Variants in HSD17B11 observed in about 807,000 individuals in gnomAD.
The protein encoded by HSD17B11 is estradiol 17-beta-dehydrogenase 11.
Under a neutral mutation model 27.8 loss-of-function variants are expected in HSD17B11, and 22 were observed. The ratio of observed to expected loss-of-function variants is 0.79; its 90% CI spans 0.56 to 1.13. The LOEUF (loss-of-function observed/expected upper bound fraction) is 1.13, where lower values mean the gene tolerates loss of function less well. Ranked by LOEUF, HSD17B11 falls within the 50% of genes most tolerant of loss-of-function variation. The pLI, the probability that HSD17B11 is intolerant of heterozygous loss-of-function variation, is 0.00. For synonymous variants in HSD17B11, 117 were observed against 132.8 expected, an observed-to-expected ratio of 0.88 and a Z score of 0.82; for missense variants, 314 against 351.1, an observed-to-expected ratio of 0.89 and a Z score of 0.84.
chr4:87,359,573 A>T (rs77965489), intron 4 of HSD17B11, among the ~76,000 whole-genome samples: 3,498 of 152,306 alleles, frequency 0.023, 151 homozygotes, highest in African/African-American at 0.08. Context: ...TACGTTGCAT[A>T]GGCTGGTTTC....
At chr4:87,361,577 C>T (rs1735516608) in intron 4 of HSD17B11, among the ~76,000 whole-genome samples, 1 of 152,038 alleles carries the variant, frequency 6.6e-6, no homozygotes, top group African/African-American at 2.4e-5. Flanking sequence ...ACCATCCTGG[C>T]TAACACAGTG....
chr4:87,360,325 G>A (rs758311152), intron 4 of HSD17B11, among the ~76,000 whole-genome samples: 1 of 152,176 alleles, frequency 6.6e-6, no homozygotes, highest in East Asian at 1.9e-4. Flanking sequence ...TTGGCAAAAG[G>A]TATCAAATTC....
At chr4:87,360,068 T>C (rs1222483226) in intron 4 of HSD17B11, among the ~76,000 whole-genome samples, 1 of 152,206 alleles carries the variant, frequency 6.6e-6, no homozygotes, top group Non-Finnish European at 1.5e-5. Context: ...GAATAATTCA[T>C]ATAAAAGCAA....
chr4:87,336,980 C>T lies in HSD17B11; in HGVS notation c.*296G>A, dbSNP rs755064968. 59 of 258,886 alleles carry T rather than the reference C, an allele frequency of 2.3e-4. No individual in the cohort carries two copies. The highest frequency in any genetic ancestry group is 2.8e-4 in the Non-Finnish European group (39 of 139,080). The allele number at this position is 258,886 out of a possible 1,614,324, so 16.0% of individuals were successfully genotyped here. A position where few individuals can be genotyped will look rare whatever the true frequency, so the allele number is the denominator to read the frequency against. ...ATAAACGGTTATGGTACAAATTTTG[C>T]AAAGCCTTCAGGTGAGCCACAAATA... On this transcript the variant is annotated 3_prime_UTR_variant, in exon 7 of 7. Transcript: ENST00000358290.
chr4:87,343,262 A>G (rs998157529), intron 5 of HSD17B11, among the ~76,000 whole-genome samples: 5 of 152,238 alleles, frequency 3.3e-5, no homozygotes, highest in Non-Finnish European at 7.3e-5. Flanking sequence ...ATTTCTTAGC[A>G]AAATAGTATC....
intron 2 of HSD17B11, among the ~76,000 whole-genome samples, chr4:87,380,396 C>T (rs139778185): frequency 0.039 from 5,696 of 145,880 alleles, 404 homozygotes; most frequent in African/African-American, 0.14. Flanking sequence ...CTGCTTGAAC[C>T]CAGGAGGCGG....
Position 87,390,846 on chromosome 4 carries a change from AG to A in HSD17B11, c.210+14del. On this transcript the variant is annotated intron_variant, in intron 1 of 6. Coordinates refer to ENST00000358290, the MANE Select transcript of HSD17B11 (RefSeq NM_016245.5). Reference sequence around the variant, plus strand: ...TTAAAGGTACCAGAAAGTAAAACATAGTAAACACTGTTACCTTATTTATATC... The same window carrying A: ...TTAAAGGTACCAGAAAGTAAAACATATAAACACTGTTACCTTATTTATATC... 1.9e-6 allele frequency: 3 copies of A among 1,606,580 alleles called. No individual in the cohort carries two copies. The South Asian group carries it at 3.3e-5, about 18-fold the overall frequency.
intron 4 of HSD17B11, among the ~76,000 whole-genome samples, chr4:87,369,432 C>CTT (rs764707419): frequency 9.2e-5 from 13 of 141,166 alleles, no homozygotes; most frequent in East Asian, 2.0e-4. Flanking sequence ...ATTCCAAATT[C>CTT]TTTTTTTTTT....
intron 1 of HSD17B11, 81 bp downstream of exon 1, chr4:87,390,780 G>A: frequency 1.6e-6 from 2 of 1,244,500 alleles, no homozygotes; most frequent in South Asian, 1.2e-5. Context: ...CAGAGATGAG[G>A]TAAAGGGTGG....
intron 1 of HSD17B11, among the ~76,000 whole-genome samples, chr4:87,389,242 GAC>G (rs1305069434): frequency 1.3e-5 from 2 of 151,938 alleles, no homozygotes; most frequent in African/African-American, 4.8e-5. Context: ...TTATTTTTAA[GAC>G]AGAGTTTTGC....
chr4:87,355,715 C>T (rs919273573), intron 5 of HSD17B11, among the ~76,000 whole-genome samples: 4 of 152,072 alleles, frequency 2.6e-5, no homozygotes, highest in African/African-American at 4.8e-5. Context: ...AACAGCCTGG[C>T]CAACGTGGCG....
At chr4:87,337,620 G>A (rs115994922) in intron 6 of HSD17B11, among the ~76,000 whole-genome samples, 61 of 152,226 alleles carry the variant, frequency 4.0e-4, no homozygotes, top group African/African-American at 1.4e-3. Context: ...AAAGATCTGA[G>A]GGAGGAGGTG....
At chr4:87,385,286 G>A (rs116316911) in intron 1 of HSD17B11, among the ~76,000 whole-genome samples, 10 of 152,160 alleles carry the variant, frequency 6.6e-5, no homozygotes, top group African/African-American at 2.2e-4. Context: ...CATGCTACAC[G>A]TACAACCTTC....
At chr4:87,357,231 G>C (rs115741611) in intron 5 of HSD17B11, 48 bp downstream of exon 5, 5 of 1,583,674 alleles carry the variant, frequency 3.2e-6, no homozygotes, top group Non-Finnish European at 4.3e-6. Context: ...CAGAATGGCT[G>C]GTATTCATAG....
intron 3 of HSD17B11, chr4:87,373,231 T>C: frequency 6.1e-6 from 1 of 163,124 alleles, no homozygotes. Context: ...TCCCAGCTAC[T>C]GGGGAGGCTG....
Position 87,357,182 on chromosome 4 carries a change from A to C in HSD17B11, c.695+97T>G. 3.2e-6 allele frequency: 4 copies of C among 1,244,260 alleles called. No homozygotes were observed. In the South Asian group the frequency reaches 5.7e-5, roughly 18 times the overall value. 77.1% of individuals were successfully genotyped at this position (1,244,260 alleles called of 1,614,324 possible). On this transcript the variant is annotated intron_variant, in intron 5 of 6. Transcript: ENST00000358290. ...TCAAAATGAACTAAGAGCTTTAACT[A>C]TCAGGTGTTTTCAGGATTAAAACAT...
At chr4:87,372,982 C>A (rs1341636403) in intron 3 of HSD17B11, among the ~76,000 whole-genome samples, 167 bp from the exon 4 acceptor site, 1 of 152,120 alleles carries the variant, frequency 6.6e-6, no homozygotes, top group African/African-American at 2.4e-5. Flanking sequence ...GGATATGATG[C>A]CCACATTAGA....
chr4:87,372,836 AAG>A, intron 3 of HSD17B11, 21 bp from the exon 4 acceptor site: 1 of 1,439,292 alleles, frequency 6.9e-7, no homozygotes, highest in Non-Finnish European at 9.6e-7. Context: ...TTTTTATTAA[AAG>A]AGAAAAAATA....
chr4:87,391,026 G>C lies in HSD17B11; in HGVS notation c.45C>G (p.Ile15Met). 6.2e-7 allele frequency: 1 copy of C among 1,613,680 alleles called. No individual in the cohort carries two copies. The highest frequency in any genetic ancestry group is 8.5e-7 in the Non-Finnish European group (1 of 1,179,958). The stretch of plus-strand genomic sequence containing the variant: ...TCACGAAGGACTCTAGGGAGCAGAC[G>C]ATCAGTAACGGGAGAAGCAGGAGGA... ...LDILLLLPLL[I>M]VCSLESFVKL... The change falls in exon 1 of 7, where the codon ATC (isoleucine) becomes ATG (methionine). Residue 15 changes from isoleucine to methionine, a missense_variant. By Grantham distance (10) the Ile-to-Met change is conservative. Transcript: ENST00000358290.
Sources: gnomAD v4.1 joint callset for allele counts (sites outside exome capture counted in the v4.1 genomes callset) on GRCh38, gnomAD v4.1.1 for gene constraint, MANE v1.5 for transcripts, NCBI Gene and HGNC (gene_info 2026-07-23, HGNC 2026-07-21) for gene names.